The following PRKD1 variants were observed in gnomAD, a reference collection of about 807,000 sequenced individuals.
PRKD1 encodes protein kinase D1, also known as serine/threonine-protein kinase D1.
In PRKD1, 63 loss-of-function variants were observed where a neutral mutation model predicts 95.9. The ratio of observed to expected loss-of-function variants is 0.66; its 90% CI spans 0.54 to 0.81. PRKD1 has a LOEUF of 0.81. Ranked by LOEUF, PRKD1 falls within the 30% of genes least tolerant of loss-of-function variation. The pLI is 0.00. For missense variants in PRKD1, 1,048 were observed against 1,165.3 expected (o/e 0.90, Z 1.47); for synonymous variants, 425 against 423.1 (o/e 1.00, Z -0.05).
At chr14:29,739,652 C>G (rs866930483) in intron 1 of PRKD1, among the ~76,000 whole-genome samples, 11 of 152,126 alleles carry the variant, frequency 7.2e-5, no homozygotes, top group Non-Finnish European at 1.0e-4. Flanking sequence ...TAGAAATACA[C>G]ATATAACTGG....
chr14:29,707,871 G>A (rs1451314499), intron 2 of PRKD1, among the ~76,000 whole-genome samples: 2 of 151,880 alleles, frequency 1.3e-5, no homozygotes, highest in African/African-American at 2.4e-5. Context: ...TCATAAGATG[G>A]CCCCTGGGAT....
chr14:29,671,485 G>C (rs1882839296), intron 2 of PRKD1, among the ~76,000 whole-genome samples: 1 of 152,154 alleles, frequency 6.6e-6, no homozygotes, highest in Non-Finnish European at 1.5e-5. Context: ...ATGAAGCAGA[G>C]ATAGGCCTCA....
intron 1 of PRKD1, among the ~76,000 whole-genome samples, chr14:29,736,854 A>C (rs1409874252): frequency 2.6e-5 from 4 of 152,212 alleles, no homozygotes; most frequent in Non-Finnish European, 4.4e-5. Context: ...AGTAGAATAA[A>C]TACATGTTTT....
intron 1 of PRKD1, among the ~76,000 whole-genome samples, chr14:29,822,919 A>T (rs542075158): frequency 2.0e-5 from 3 of 151,898 alleles, no homozygotes; most frequent in South Asian, 2.1e-4. Context: ...AAAATGTTTT[A>T]AAAAAAAATT....
chr14:29,795,588 G>C (rs776763445), intron 1 of PRKD1, among the ~76,000 whole-genome samples: 52 of 152,186 alleles, frequency 3.4e-4, no homozygotes, highest in Non-Finnish European at 5.4e-4. Context: ...AGGTTGAAAT[G>C]AATCAGTCTG....
chr14:29,610,084 A>G (rs1878349349), intron 13 of PRKD1, among the ~76,000 whole-genome samples: 1 of 23,704 alleles, frequency 4.2e-5, no homozygotes. Flanking sequence ...ATCATCTTTC[A>G]TTTTTTTCTA....
intron 2 of PRKD1, among the ~76,000 whole-genome samples, chr14:29,710,328 T>G (rs928476898): frequency 6.6e-6 from 1 of 152,150 alleles, no homozygotes; most frequent in Non-Finnish European, 1.5e-5. Flanking sequence ...TTTAACCAAG[T>G]GATAAAGGTT....
At chr14:29,617,941 C>A (rs1048741886) in intron 13 of PRKD1, among the ~76,000 whole-genome samples, 1 of 151,794 alleles carries the variant, frequency 6.6e-6, no homozygotes, top group Admixed American at 6.6e-5. Flanking sequence ...CTTGGTGGGG[C>A]ATGCCTGTAG....
chr14:29,769,243 A>T (rs1888396203), intron 1 of PRKD1, among the ~76,000 whole-genome samples: 1 of 151,092 alleles, frequency 6.6e-6, no homozygotes, highest in Admixed American at 6.6e-5. Context: ...TATGTAACAC[A>T]CTCTCTCTCT....
At chr14:29,894,797 C>A (rs1307752773) in intron 1 of PRKD1, among the ~76,000 whole-genome samples, 3 of 152,162 alleles carry the variant, frequency 2.0e-5, no homozygotes, top group Non-Finnish European at 4.4e-5. Flanking sequence ...TACTGAATCA[C>A]CCCTGGACTG....
chr14:29,633,581 A>T (rs1285630706), intron 8 of PRKD1, among the ~76,000 whole-genome samples: 1 of 152,202 alleles, frequency 6.6e-6, no homozygotes, highest in Non-Finnish European at 1.5e-5. Flanking sequence ...CTGTAGGTAT[A>T]TCTTTCAGGA....
intron 16 of PRKD1, among the ~76,000 whole-genome samples, chr14:29,590,001 G>T (rs1893074327): frequency 6.6e-6 from 1 of 152,074 alleles, no homozygotes; most frequent in Non-Finnish European, 1.5e-5. Context: ...AGTGATCTAT[G>T]AATCAGTGCT....
At chr14:29,804,914 G>C (rs751213984) in intron 1 of PRKD1, among the ~76,000 whole-genome samples, 1 of 152,012 alleles carries the variant, frequency 6.6e-6, no homozygotes, top group Non-Finnish European at 1.5e-5. Context: ...AGGTTTTCCA[G>C]GAAATCTCAT....
intron 1 of PRKD1, among the ~76,000 whole-genome samples, chr14:29,846,065 C>T (rs1484171942): frequency 6.6e-6 from 1 of 152,048 alleles, no homozygotes; most frequent in Non-Finnish European, 1.5e-5. Context: ...ATGTTATACC[C>T]AACCAGTACT....
rs1891302264 is a variant in PRKD1 at position 29,829,007 on chromosome 14, TCA to T, written c.264+98240_264+98241del. On this transcript the variant is annotated intron_variant, in intron 1 of 17. Coordinates refer to ENST00000331968, the MANE Select transcript of PRKD1 (RefSeq NM_002742.3). ...GGGAAGCTTTCTCTTAGGGGGCCTCTCACAGAAACCAGATGCCATGTTGTGAG... is the reference window on the plus strand; with the variant it reads ...GGGAAGCTTTCTCTTAGGGGGCCTCTCAGAAACCAGATGCCATGTTGTGAG... Among the ~76,000 whole-genome samples, 4 of 152,206 alleles carry T rather than the reference TCA, an allele frequency of 2.6e-5. No homozygotes were observed. In the South Asian group the frequency reaches 8.3e-4, roughly 31 times the overall value.
chr14:29,775,774 G>A (rs1196144421), intron 1 of PRKD1, among the ~76,000 whole-genome samples: 1 of 152,190 alleles, frequency 6.6e-6, no homozygotes, highest in Non-Finnish European at 1.5e-5. Flanking sequence ...AAATGTCCCT[G>A]TCTAACAGCT....
chr14:29,904,062 T>C lies in PRKD1; in HGVS notation c.264+23187A>G, dbSNP rs935484821. On this transcript the variant is annotated intron_variant, in intron 1 of 17. Transcript: ENST00000331968. Reference sequence around the variant, plus strand: ...GAAACATTTGGCAACATAAGAAATTTAGATTTAGAAAAGTTTATAGGTACT... The same window carrying C: ...GAAACATTTGGCAACATAAGAAATTCAGATTTAGAAAAGTTTATAGGTACT... Among the ~76,000 whole-genome samples, 7 of 152,260 alleles carry C rather than the reference T, an allele frequency of 4.6e-5. No homozygotes were observed. In the East Asian group the frequency reaches 1.4e-3, roughly 29 times the overall value.
chr14:29,793,510 A>G (rs900516474), intron 1 of PRKD1, among the ~76,000 whole-genome samples: 45 of 152,088 alleles, frequency 3.0e-4, no homozygotes, highest in African/African-American at 1.1e-3. Flanking sequence ...TATCTTTTCC[A>G]TGTGTGTTCT....
chr14:29,583,867 A>T (rs1052509163), intron 16 of PRKD1, among the ~76,000 whole-genome samples: 1 of 152,214 alleles, frequency 6.6e-6, no homozygotes. Flanking sequence ...TTCTTTTGCT[A>T]CAATAAATTT....
Sources: gnomAD v4.1 joint callset for allele counts (sites outside exome capture counted in the v4.1 genomes callset) on GRCh38, gnomAD v4.1.1 for gene constraint, MANE v1.5 for transcripts, NCBI Gene and HGNC (gene_info 2026-07-23, HGNC 2026-07-21) for gene names.